The following DOCK5 variants were observed in gnomAD, a reference collection of about 807,000 sequenced individuals.
The protein encoded by DOCK5 is dedicator of cytokinesis 5.
A neutral mutation model predicts 251.8 loss-of-function variants in DOCK5; 142 were observed. The observed-to-expected ratio is 0.56, with a 90% CI of 0.49 to 0.65. The LOEUF (loss-of-function observed/expected upper bound fraction) is 0.65, where lower values mean the gene tolerates loss of function less well. DOCK5 is among the 30% of genes least tolerant of loss of function. The pLI is 0.00. For synonymous variants in DOCK5, 842 were observed against 835.5 expected, an observed-to-expected ratio of 1.01 and a Z score of -0.13; for missense variants, 2,111 against 2,312.3, an observed-to-expected ratio of 0.91 and a Z score of 1.79.
At chr8:25,334,527 A>G (rs913911458) in intron 21 of DOCK5, among the ~76,000 whole-genome samples, 4 of 152,144 alleles carry the variant, frequency 2.6e-5, no homozygotes, top group South Asian at 4.1e-4. Flanking sequence ...CCTAGGCAAC[A>G]TAACAAGAAC....
chr8:25,220,127 T>C (rs1278344610), intron 1 of DOCK5, among the ~76,000 whole-genome samples: 1 of 152,150 alleles, frequency 6.6e-6, no homozygotes, highest in African/African-American at 2.4e-5. Flanking sequence ...CCTCTAATAC[T>C]TGCACTGCCT....
rs556833005 is a variant in DOCK5, at chr8:25,261,943, G to A, written c.128-6902G>A. ...TTGCACATCCGTAGTTCATTCCTGT[G>A]TATTGCCAGGTATAACTATATTACG... On this transcript the variant is annotated intron_variant, in intron 2 of 51. Transcript: ENST00000276440. Among the ~76,000 whole-genome samples the A allele has an allele frequency of 3.3e-5, 5 of 152,198 alleles. No individual in the cohort carries two copies. The South Asian group carries it at 1.0e-3, about 32-fold the overall frequency.
In DOCK5 at chr8:25,233,310, A is replaced by G. The variant is rs559877048; in HGVS notation, c.44-10364A>G. 3.9e-5 allele frequency among the ~76,000 whole-genome samples: 6 copies of G among 152,336 alleles called. No homozygotes were observed. The East Asian group carries it at 1.2e-3, about 29-fold the overall frequency. ...TAGTTTTTAATGCTTAAAGCAGGAT[A>G]ATTCATCTGGTCCCTGATGGGTTGC... On this transcript the variant is annotated intron_variant, in intron 1 of 51. Coordinates refer to ENST00000276440, the MANE Select transcript of DOCK5 (RefSeq NM_024940.8).
intron 27 of DOCK5, among the ~76,000 whole-genome samples, chr8:25,356,165 A>G (rs1586357244): frequency 6.6e-6 from 1 of 152,100 alleles, no homozygotes; most frequent in South Asian, 2.1e-4. Context: ...GCGCCACTGC[A>G]CTCCAGCCTG....
At chr8:25,366,835 C>G in intron 30 of DOCK5, 35 bp from the exon 31 acceptor site, 1 of 1,547,482 alleles carries the variant, frequency 6.5e-7, no homozygotes, top group Non-Finnish European at 8.9e-7. Context: ...TGTTATTTTT[C>G]ATTTCCCTTT....
chr8:25,402,477 T>C (rs978797274), intron 47 of DOCK5, among the ~76,000 whole-genome samples: 27 of 152,144 alleles, frequency 1.8e-4, no homozygotes, highest in African/African-American at 6.3e-4. Flanking sequence ...TTTGCATTTT[T>C]AGTAGAGACG....
At chr8:25,355,595 G>A (rs1227867502) in intron 27 of DOCK5, among the ~76,000 whole-genome samples, 2 of 152,078 alleles carry the variant, frequency 1.3e-5, no homozygotes, top group African/African-American at 4.8e-5. Context: ...GGTTACAAGT[G>A]TGTGCCCTGA....
rs1360163543 is a variant in DOCK5, at chr8:25,210,515, C to T, written c.43+25564C>T. ...CTGTGGCTCACACCTGTCATCCCAG[C>T]ATTTTGGGAGGCCAAGGTGGATGGA... is the stretch of plus-strand genomic sequence containing the variant. On this transcript the variant is annotated intron_variant, in intron 1 of 51. Transcript: ENST00000276440. Among the ~76,000 whole-genome samples, 2 of 69,218 alleles carry T rather than the reference C, an allele frequency of 2.9e-5. 1 individual carries two copies. Among genetic ancestry groups the T allele is most frequent in the African/African-American group, 6.6e-5 (2 of 30,468 alleles). 45.4% of individuals were successfully genotyped at this position (69,218 alleles called of 152,430 possible). A position where few individuals can be genotyped will look rare whatever the true frequency, so the allele number is the denominator to read the frequency against.
intron 2 of DOCK5, among the ~76,000 whole-genome samples, chr8:25,265,191 T>C (rs1803707250): frequency 6.6e-6 from 1 of 152,000 alleles, no homozygotes; most frequent in South Asian, 2.1e-4. Context: ...GCATTAAGTC[T>C]GGGCCTCACC....
intron 18 of DOCK5, among the ~76,000 whole-genome samples, chr8:25,329,797 G>C (rs984699376): frequency 6.6e-6 from 1 of 152,050 alleles, no homozygotes; most frequent in Non-Finnish European, 1.5e-5. Flanking sequence ...TAAACAAATT[G>C]TGTACACCCA....
Position 25,403,933 on chromosome 8 carries a change from T to C in DOCK5, c.5093+209T>C, listed in dbSNP as rs561035092. 3.9e-5 allele frequency among the ~76,000 whole-genome samples: 6 copies of C among 152,330 alleles called. No individual in the cohort carries two copies. In the East Asian group the frequency reaches 9.6e-4, roughly 24 times the overall value. On this transcript the variant is annotated intron_variant, in intron 48 of 51. Coordinates refer to ENST00000276440, the MANE Select transcript of DOCK5 (RefSeq NM_024940.8). Reference sequence around the variant, plus strand: ...AATCACCCATAATCCTACCACACTATTACATACCTATAGTCATTACCTATT... The same window carrying C: ...AATCACCCATAATCCTACCACACTACTACATACCTATAGTCATTACCTATT...
At chr8:25,185,267 G>A (rs1801403493) in intron 1 of DOCK5, among the ~76,000 whole-genome samples, 1 of 152,178 alleles carries the variant, frequency 6.6e-6, no homozygotes, top group South Asian at 2.1e-4. Flanking sequence ...CTGCTCTTTT[G>A]GGGCCGCAGC....
At chr8:25,198,564 T>TCA (rs1801791638) in intron 1 of DOCK5, among the ~76,000 whole-genome samples, 2 of 94,624 alleles carry the variant, frequency 2.1e-5, no homozygotes, top group Non-Finnish European at 5.2e-5. Flanking sequence ...AGAGCGAGAC[T>TCA]CCATCTCAAA....
rs190491855 is a variant in DOCK5 at position 25,187,217 on chromosome 8, A to G, written c.43+2266A>G. ...CCCGATCTCAAAAAAAAAACTATAT[A>G]TACATATATATACGTATATATATAT... On this transcript the variant is annotated intron_variant, in intron 1 of 51. Transcript: ENST00000276440. Among the ~76,000 whole-genome samples the G allele has an allele frequency of 1.1e-3, 157 of 148,202 alleles. 3 individuals carry two copies. The highest frequency in any genetic ancestry group is 1.9e-4 in the Non-Finnish European group (13 of 67,670).
intron 25 of DOCK5, among the ~76,000 whole-genome samples, chr8:25,345,151 A>C (rs1176731483): frequency 1.3e-5 from 2 of 152,078 alleles, no homozygotes; most frequent in Non-Finnish European, 2.9e-5. Flanking sequence ...GTTTCATATG[A>C]CCCTCAATTT....
chr8:25,394,052 C>A (rs148172179), intron 44 of DOCK5, among the ~76,000 whole-genome samples: 20 of 152,236 alleles, frequency 1.3e-4, no homozygotes, highest in African/African-American at 4.3e-4. Context: ...CATAGCAAGA[C>A]CCCCACCTCT....
intron 28 of DOCK5, among the ~76,000 whole-genome samples, chr8:25,359,448 A>G (rs1028747367): frequency 2.6e-5 from 4 of 152,206 alleles, no homozygotes; most frequent in African/African-American, 4.8e-5. Context: ...TGATACCATC[A>G]TTTTGGAGAG....
At chr8:25,338,232 G>C (rs1805863566) in intron 22 of DOCK5, among the ~76,000 whole-genome samples, 1 of 151,684 alleles carries the variant, frequency 6.6e-6, no homozygotes, top group African/African-American at 2.4e-5. Flanking sequence ...GTAGAGACAG[G>C]GTCTCTCTAT....
chr8:25,273,302 T>C (rs4872301), intron 3 of DOCK5, among the ~76,000 whole-genome samples: 18,969 of 152,194 alleles, frequency 0.12, 1,482 homozygotes, highest in Admixed American at 0.25. Context: ...TTTTGATCAT[T>C]AAAAAAATTA....
Sources: gnomAD v4.1 joint callset for allele counts (sites outside exome capture counted in the v4.1 genomes callset) on GRCh38, gnomAD v4.1.1 for gene constraint, MANE v1.5 for transcripts, NCBI Gene and HGNC (gene_info 2026-07-23, HGNC 2026-07-21) for gene names.